Variants in C6 observed in about 807,000 individuals in gnomAD.
The protein encoded by C6 is complement C6, also known as complement component C6.
A neutral mutation model predicts 112.9 loss-of-function variants in C6; 101 were observed. The observed-to-expected ratio is 0.89, with a 90% CI of 0.76 to 1.06. The LOEUF (loss-of-function observed/expected upper bound fraction) is 1.06. C6 is among the 50% of genes least tolerant of loss of function. C6 has a pLI of 0.00. For synonymous variants in C6, 431 were observed against 384.1 expected (o/e 1.12, Z -1.43); for missense variants, 1,202 against 1,104.6 (o/e 1.09, Z -1.25).
chr5:41,170,926 GAGA>G (rs949447572), intron 9 of C6, among the ~76,000 whole-genome samples: 2 of 152,134 alleles, frequency 1.3e-5, no homozygotes, highest in Admixed American at 1.3e-4. Context: ...TAGCTGTGCA[GAGA>G]AGGACAGGAA....
At chr5:41,201,831 TG>T in intron 2 of C6, 117 bp from the exon 3 acceptor site, 1 of 982,798 alleles carries the variant, frequency 1.0e-6, no homozygotes. Context: ...AAAATTTTCA[TG>T]GAAAAATTAG....
intron 1 of C6, among the ~76,000 whole-genome samples, chr5:41,239,111 C>CTTTTTTTTTTTTTTTTTTT (rs34322889): frequency 8.2e-6 from 1 of 121,674 alleles, no homozygotes; most frequent in Non-Finnish European, 1.7e-5. Context: ...TCTTTTCTTT[C>CTTTTTTTTTTTTTTTTTTT]TTTTTTTTTT....
At chr5:41,219,707 T>G (rs919401780) in intron 1 of C6, among the ~76,000 whole-genome samples, 3 of 152,184 alleles carry the variant, frequency 2.0e-5, no homozygotes, top group East Asian at 1.9e-4. Context: ...AGACATGCTG[T>G]GTTGTCATGT....
At chr5:41,193,139 T>C (rs1223735872) in intron 5 of C6, among the ~76,000 whole-genome samples, 1 of 152,184 alleles carries the variant, frequency 6.6e-6, no homozygotes, top group Non-Finnish European at 1.5e-5. Flanking sequence ...CAGCGAGGAC[T>C]AAAAAACCAT....
At chr5:41,255,601 C>A (rs1741645291) in intron 1 of C6, among the ~76,000 whole-genome samples, 3 of 152,158 alleles carry the variant, frequency 2.0e-5, no homozygotes, top group Admixed American at 2.0e-4. Context: ...GAACATATCT[C>A]CACTTCTCTC....
chr5:41,154,147 G>T (rs1746675716), intron 14 of C6, 149 bp from the exon 15 acceptor site: 2 of 701,888 alleles, frequency 2.8e-6, no homozygotes, highest in Non-Finnish European at 5.1e-6. Context: ...AAACCTGGGG[G>T]ATAAGAATCC....
intron 1 of C6, among the ~76,000 whole-genome samples, chr5:41,224,934 C>T (rs1739396338): frequency 6.6e-6 from 1 of 152,086 alleles, no homozygotes; most frequent in Non-Finnish European, 1.5e-5. Context: ...TTTTTCTTCA[C>T]ATTTCCCTGG....
chr5:41,177,374 C>A (rs1235524017), intron 7 of C6, among the ~76,000 whole-genome samples: 2 of 152,088 alleles, frequency 1.3e-5, no homozygotes, highest in Non-Finnish European at 2.9e-5. Flanking sequence ...ATTTATTTAT[C>A]ATTTCTTTTT....
chr5:41,208,959 G>T (rs979536387), intron 1 of C6, among the ~76,000 whole-genome samples: 1 of 152,124 alleles, frequency 6.6e-6, no homozygotes. Flanking sequence ...GAACATCGAT[G>T]CAAAAATCCT....
chr5:41,196,051 T>C, intron 4 of C6, 118 bp from the exon 5 acceptor site: 2 of 1,209,008 alleles, frequency 1.7e-6, no homozygotes, highest in Non-Finnish European at 2.4e-6. Flanking sequence ...GTCTTCACTG[T>C]TTTTGATAGA....
At chr5:41,196,513 G>A (rs1055345403) in intron 4 of C6, among the ~76,000 whole-genome samples, 3 of 151,774 alleles carry the variant, frequency 2.0e-5, no homozygotes, top group African/African-American at 4.8e-5. Flanking sequence ...TCTATATCTC[G>A]ATATAGAAAT....
At chr5:41,157,392 G>A (rs968043936) in intron 13 of C6, among the ~76,000 whole-genome samples, 1 of 152,166 alleles carries the variant, frequency 6.6e-6, no homozygotes, top group Non-Finnish European at 1.5e-5. Context: ...TGATTTTAAG[G>A]ATAATGTTCT....
intron 16 of C6, 59 bp downstream of exon 16, chr5:41,149,875 AT>A: frequency 3.6e-6 from 4 of 1,104,714 alleles, no homozygotes; most frequent in Non-Finnish European, 5.6e-6. Context: ...CTTCCATCAA[AT>A]TGGTTACACT....
intron 9 of C6, among the ~76,000 whole-genome samples, chr5:41,168,650 T>G (rs1748176766): frequency 6.6e-6 from 1 of 152,168 alleles, no homozygotes; most frequent in South Asian, 2.1e-4. Context: ...TTTTTTTCAG[T>G]TATTAATGTG....
In C6 at chr5:41,161,552, A is replaced by G. The variant is rs1422379966; in HGVS notation, c.1458+141T>C. On this transcript the variant is annotated intron_variant, in intron 10 of 17. Transcript: ENST00000337836. Reference sequence around the variant, plus strand: ...GACATGCAATTTAACATTTAAAAAAAGGTACATTGTGCATGAATACTAAAG... The same window carrying G: ...GACATGCAATTTAACATTTAAAAAAGGGTACATTGTGCATGAATACTAAAG... 32 of 731,502 alleles carry G rather than the reference A, an allele frequency of 4.4e-5. 1 individual carries two copies. In the East Asian group the frequency reaches 7.1e-4, roughly 16 times the overall value. The allele number at this position is 731,502 out of a possible 1,614,324, so 45.3% of individuals were successfully genotyped here. A position where few individuals can be genotyped will look rare whatever the true frequency, so the allele number is the denominator to read the frequency against.
At chr5:41,150,431 CA>C (rs1746279132) in intron 15 of C6, among the ~76,000 whole-genome samples, 1 of 152,112 alleles carries the variant, frequency 6.6e-6, no homozygotes, top group Admixed American at 6.6e-5. Flanking sequence ...AGACATTAAT[CA>C]AATGAGCACA....
chr5:41,239,896 C>T (rs1740590757), intron 1 of C6, among the ~76,000 whole-genome samples: 1 of 152,116 alleles, frequency 6.6e-6, no homozygotes, highest in Non-Finnish European at 1.5e-5. Flanking sequence ...CCTTGTCTGG[C>T]AATTTTCCTT....
At chr5:41,196,904 C>A (rs1750662464) in intron 4 of C6, among the ~76,000 whole-genome samples, 1 of 151,952 alleles carries the variant, frequency 6.6e-6, no homozygotes, top group Non-Finnish European at 1.5e-5. Context: ...TACTTATGTG[C>A]AATGACAGAT....
chr5:41,227,723 A>T (rs1218532065), intron 1 of C6, among the ~76,000 whole-genome samples: 1 of 148,030 alleles, frequency 6.8e-6, no homozygotes, highest in Non-Finnish European at 1.5e-5. Context: ...CTTATTTAAG[A>T]GACTGTCCTT....
Sources: allele counts gnomAD v4.1 joint callset (sites outside exome capture counted in the v4.1 genomes callset), GRCh38; gene constraint gnomAD v4.1.1; transcripts MANE v1.5; gene names NCBI Gene and HGNC (gene_info 2026-07-23, HGNC 2026-07-21).